USP7: variants seen among roughly 807,000 people sequenced by gnomAD.
USP7 encodes ubiquitin C-terminal hydrolase 7.
USP7 carries 9 observed loss-of-function variants against 162.9 expected under a neutral mutation model. The observed-to-expected ratio is 0.06, with a 90% CI of 0.03 to 0.10. USP7 has a LOEUF of 0.10. Among genes scored for constraint, USP7 ranks in the 10% least tolerant of loss-of-function variants. The probability of loss-of-function intolerance (pLI) is 1.00; values close to 1 mark genes in which losing one functional copy is unlikely to be tolerated. For synonymous variants in USP7, 562 were observed against 475.9 expected (o/e 1.18, Z -2.35); for missense variants, 715 against 1,373.7 (o/e 0.52, Z 7.58).
intron 5 of USP7, among the ~76,000 whole-genome samples, chr16:8,919,852 C>G (rs1567224433): frequency 6.6e-6 from 1 of 152,150 alleles, no homozygotes; most frequent in Non-Finnish European, 1.5e-5. Context: ...GTACCATTCA[C>G]CAGCACCTTG....
Position 8,955,047 on chromosome 16 carries a change from G to C in USP7, c.79+8160C>G, listed in dbSNP as rs368313006. ...AGCTACCACGAGATGAATGACAGTGGTGTGTGGACCAGTCACTATTAATCA... is the reference window on the plus strand; with the variant it reads ...AGCTACCACGAGATGAATGACAGTGCTGTGTGGACCAGTCACTATTAATCA... On this transcript the variant is annotated intron_variant, in intron 1 of 30. Transcript: ENST00000344836. Among the ~76,000 whole-genome samples, 118 of 152,330 alleles carry C rather than the reference G, an allele frequency of 7.7e-4. No homozygotes were observed. The East Asian group carries it at 9.1e-3, about 12-fold the overall frequency.
At chr16:8,958,836 T>C (rs1163699317) in intron 1 of USP7, among the ~76,000 whole-genome samples, 1 of 152,238 alleles carries the variant, frequency 6.6e-6, no homozygotes, top group Non-Finnish European at 1.5e-5. Flanking sequence ...ATTACACTTT[T>C]AATATTAAAA....
At chr16:8,906,971 G>C (rs1438947447) in intron 12 of USP7, among the ~76,000 whole-genome samples, 1 of 152,228 alleles carries the variant, frequency 6.6e-6, no homozygotes, top group Non-Finnish European at 1.5e-5. Context: ...AATTGACTTA[G>C]TTTTAACTGG....
intron 19 of USP7, 25 bp downstream of exon 19, chr16:8,901,117 G>A: frequency 1.2e-6 from 2 of 1,612,452 alleles, no homozygotes; most frequent in Non-Finnish European, 1.7e-6. Context: ...AATCTACTCA[G>A]AAGGTAAGTG....
At chr16:8,927,716 A>C (rs949613918) in intron 2 of USP7, among the ~76,000 whole-genome samples, 3 of 151,984 alleles carry the variant, frequency 2.0e-5, no homozygotes, top group Non-Finnish European at 4.4e-5. Context: ...TTTGCCTGTA[A>C]TCCCAGCTAC....
intron 1 of USP7, among the ~76,000 whole-genome samples, chr16:8,955,736 G>C (rs943757131): frequency 6.8e-6 from 1 of 147,488 alleles, no homozygotes; most frequent in Admixed American, 6.8e-5. Context: ...ACATTGCACA[G>C]GGTCAATTAA....
chr16:8,895,848 T>G, intron 26 of USP7, 107 bp from the exon 27 acceptor site: 1 of 827,156 alleles, frequency 1.2e-6, no homozygotes, highest in Admixed American at 3.1e-5. Flanking sequence ...TGTTTTTTTT[T>G]TTTTTTTTGA....
At chr16:8,936,713 A>C in intron 1 of USP7, 5 of 1,418,574 alleles carry the variant, frequency 3.5e-6, no homozygotes, top group East Asian at 2.8e-5. Context: ...CTACCTCAGC[A>C]TTCTTTTTTA....
In USP7 at chr16:8,893,102, T is replaced by C. The variant is rs1462942565; in HGVS notation, c.*896A>G. 1 of 152,230 alleles carries C rather than the reference T, an allele frequency of 6.6e-6. No homozygotes were observed. The highest frequency in any genetic ancestry group is 1.5e-5 in the Non-Finnish European group (1 of 68,038). 9.4% of individuals were successfully genotyped at this position (152,230 alleles called of 1,614,324 possible). ...AAATTGTACATGTTCATTCATTAAA[T>C]ATACAATTCATTTTTCCTTTTTTTT... On this transcript the variant is annotated 3_prime_UTR_variant, in exon 31 of 31. Transcript: ENST00000344836.
At chr16:8,931,114 TGAA>T (rs1253678832) in intron 1 of USP7, among the ~76,000 whole-genome samples, 1 of 152,166 alleles carries the variant, frequency 6.6e-6, no homozygotes, top group Admixed American at 6.5e-5. Flanking sequence ...AATTTTGTTG[TGAA>T]GATTACTGAA....
chr16:8,907,796 A>AC (rs1489403997), intron 12 of USP7, among the ~76,000 whole-genome samples: 1 of 152,222 alleles, frequency 6.6e-6, no homozygotes. Flanking sequence ...CCTGGGCGAC[A>AC]CAGCAAGACT....
chr16:8,906,633 A>T lies in USP7; in HGVS notation c.1272-51T>A, dbSNP rs1176590909. On this transcript the variant is annotated intron_variant, in intron 12 of 30. Coordinates refer to ENST00000344836, the MANE Select transcript of USP7 (RefSeq NM_003470.3). ...TTCAGTATTAATTTACACAAAAAAT[A>T]TCACACTTTACAGTAAGTAAGGCCA... 7 of 1,556,986 alleles carry T rather than the reference A, an allele frequency of 4.5e-6. No individual in the cohort carries two copies. In the Admixed American group the frequency reaches 1.3e-4, roughly 28 times the overall value.
At chr16:8,959,132 T>A (rs8057254) in intron 1 of USP7, among the ~76,000 whole-genome samples, 38,376 of 151,978 alleles carry the variant, frequency 0.25, 5,967 homozygotes, top group African/African-American at 0.44. Flanking sequence ...GCGATTCCAG[T>A]CTCACAACAA....
chr16:8,915,115 C>A (rs772357083), intron 10 of USP7, 139 bp downstream of exon 10: 43 of 798,912 alleles, frequency 5.4e-5, no homozygotes, highest in Non-Finnish European at 7.0e-5. Context: ...CCTGTGTTCA[C>A]CCAGTGAGCT....
chr16:8,940,168 C>G (rs1427443054), intron 1 of USP7, among the ~76,000 whole-genome samples: 2 of 152,156 alleles, frequency 1.3e-5, no homozygotes, highest in Non-Finnish European at 2.9e-5. Flanking sequence ...CTCTCACAAA[C>G]AGCTCTGTCC....
chr16:8,919,569 C>T (rs1176297545), intron 5 of USP7, among the ~76,000 whole-genome samples: 1 of 152,096 alleles, frequency 6.6e-6, no homozygotes, highest in Non-Finnish European at 1.5e-5. Flanking sequence ...GTGTATTCAC[C>T]AAGTTTCACC....
intron 1 of USP7, among the ~76,000 whole-genome samples, chr16:8,946,685 G>A (rs1255156885): frequency 6.6e-6 from 1 of 152,092 alleles, no homozygotes; most frequent in Non-Finnish European, 1.5e-5. Context: ...TCTGGTCACT[G>A]GCCTATACCC....
At chr16:8,905,879 C>T (rs556147258) in intron 13 of USP7, among the ~76,000 whole-genome samples, 71 of 152,368 alleles carry the variant, frequency 4.7e-4, no homozygotes, top group African/African-American at 1.6e-3. Context: ...TGCTGTTACA[C>T]GCACTCTTCA....
chr16:8,930,876 T>C (rs1898289413), intron 1 of USP7, among the ~76,000 whole-genome samples: 1 of 151,264 alleles, frequency 6.6e-6, no homozygotes, highest in South Asian at 2.1e-4. Context: ...GGCTGAGGAA[T>C]GAAAATCACT....
Sources: allele counts gnomAD v4.1 joint callset (sites outside exome capture counted in the v4.1 genomes callset), GRCh38; gene constraint gnomAD v4.1.1; transcripts MANE v1.5; gene names NCBI Gene and HGNC (gene_info 2026-07-23, HGNC 2026-07-21).